LMTK2: variants seen among roughly 807,000 people sequenced by gnomAD.
LMTK2 encodes lemur tail kinase 2.
In LMTK2, 37 loss-of-function variants were observed where a neutral mutation model predicts 127.5. That is an observed-to-expected ratio of 0.29 (90% CI 0.22 to 0.38). The LOEUF is 0.38. Among genes scored for constraint, LMTK2 ranks in the 10% least tolerant of loss-of-function variants. The probability of loss-of-function intolerance (pLI) is 1.00; values close to 1 mark genes in which losing one functional copy is unlikely to be tolerated. For synonymous variants in LMTK2, 819 were observed against 810.1 expected, an observed-to-expected ratio of 1.01 and a Z score of -0.19; for missense variants, 1,694 against 1,920.3, an observed-to-expected ratio of 0.88 and a Z score of 2.20.
At chr7:98,118,306 AG>A (rs752212350) in intron 1 of LMTK2, among the ~76,000 whole-genome samples, 15 of 152,228 alleles carry the variant, frequency 9.9e-5, no homozygotes, top group Non-Finnish European at 1.8e-4. Context: ...CTCCTCCAAG[AG>A]CAGCTTAATC....
rs573633091 is a variant in LMTK2, at chr7:98,111,340, G to A, written c.103+4060G>A. On this transcript the variant is annotated intron_variant, in intron 1 of 13. Transcript: ENST00000297293. ...AGACACTGTCATATAAATAAGGGACGTCCAGGGTTCTGAAACAGTAAACAA... is the reference window on the plus strand; with the variant it reads ...AGACACTGTCATATAAATAAGGGACATCCAGGGTTCTGAAACAGTAAACAA... Among the ~76,000 whole-genome samples the A allele has an allele frequency of 4.6e-5, 7 of 152,346 alleles. No individual in the cohort carries two copies. The South Asian group carries it at 1.2e-3, about 27-fold the overall frequency.
At chr7:98,114,026 A>G (rs1017401840) in intron 1 of LMTK2, among the ~76,000 whole-genome samples, 3 of 151,168 alleles carry the variant, frequency 2.0e-5, no homozygotes, top group African/African-American at 7.3e-5. Flanking sequence ...AGCACTATTT[A>G]TGCCAGATGT....
chr7:98,114,988 C>T (rs76304931), intron 1 of LMTK2, among the ~76,000 whole-genome samples: 2,653 of 152,136 alleles, frequency 0.017, 103 homozygotes, highest in Admixed American at 0.085. Flanking sequence ...GGGTGCCAGA[C>T]GAAAACATTG....
rs1333214705 is a variant in LMTK2 at position 98,207,750 on chromosome 7, C to G, written c.*2258C>G. On this transcript the variant is annotated 3_prime_UTR_variant, in exon 14 of 14. Coordinates refer to ENST00000297293, the MANE Select transcript of LMTK2 (RefSeq NM_014916.4). Reference sequence around the variant, plus strand: ...TCGTCGTCTTATACAGTGTCAGCCTCGAGTACATTTATTAACCTTTTGGGG... The same window carrying G: ...TCGTCGTCTTATACAGTGTCAGCCTGGAGTACATTTATTAACCTTTTGGGG... 1 of 152,086 alleles carries G rather than the reference C, an allele frequency of 6.6e-6. No homozygotes were observed. The highest frequency in any genetic ancestry group is 6.5e-5 in the Admixed American group (1 of 15,280). 9.4% of individuals were successfully genotyped at this position (152,086 alleles called of 1,614,324 possible).
At chr7:98,145,105 A>G (rs1381773903) in intron 3 of LMTK2, among the ~76,000 whole-genome samples, 1 of 152,136 alleles carries the variant, frequency 6.6e-6, no homozygotes, top group Admixed American at 6.5e-5. Flanking sequence ...GAGTCGACCA[A>G]TTTATCTTCC....
intron 7 of LMTK2, among the ~76,000 whole-genome samples, chr7:98,177,860 T>C (rs879430853): frequency 6.6e-6 from 1 of 152,218 alleles, no homozygotes; most frequent in Non-Finnish European, 1.5e-5. Flanking sequence ...AGTATAAAGT[T>C]GCCTCTGTGT....
chr7:98,166,934 A>G (rs1562911733), intron 6 of LMTK2, among the ~76,000 whole-genome samples: 1 of 152,266 alleles, frequency 6.6e-6, no homozygotes, highest in East Asian at 1.9e-4. Flanking sequence ...AGTAACATTT[A>G]CTATACAAAG....
At chr7:98,166,814 G>A (rs1053444542) in intron 6 of LMTK2, among the ~76,000 whole-genome samples, 9 of 152,228 alleles carry the variant, frequency 5.9e-5, no homozygotes, top group South Asian at 2.1e-4. Context: ...ATGTTTGCAC[G>A]ATGGTGAAAT....
Position 98,149,548 on chromosome 7 carries a change from C to T in LMTK2, c.377-1834C>T, listed in dbSNP as rs943718251. ...CGATAGAGGTGCAGTTAAATGGTGCCGGAACAACTGGATATTCATTGGCAA... is the reference window on the plus strand; with the variant it reads ...CGATAGAGGTGCAGTTAAATGGTGCTGGAACAACTGGATATTCATTGGCAA... On this transcript the variant is annotated intron_variant, in intron 3 of 13. Coordinates refer to ENST00000297293, the MANE Select transcript of LMTK2 (RefSeq NM_014916.4). Among the ~76,000 whole-genome samples, 8 of 152,152 alleles carry T rather than the reference C, an allele frequency of 5.3e-5. No individual in the cohort carries two copies. The South Asian group carries it at 1.5e-3, about 28-fold the overall frequency.
At chr7:98,201,865 C>T (rs541838550) in intron 11 of LMTK2, among the ~76,000 whole-genome samples, 1 of 152,188 alleles carries the variant, frequency 6.6e-6, no homozygotes, top group Admixed American at 6.5e-5. Flanking sequence ...CTGCTTCAGC[C>T]ACCCAAAGTG....
chr7:98,108,432 G>A (rs1796149817), intron 1 of LMTK2, among the ~76,000 whole-genome samples: 1 of 152,224 alleles, frequency 6.6e-6, no homozygotes, highest in Non-Finnish European at 1.5e-5. Flanking sequence ...AAAGCTACAT[G>A]TAATTGCTTC....
intron 3 of LMTK2, 31 bp from the exon 4 acceptor site, chr7:98,151,351 T>C (rs1562906413): frequency 2.1e-6 from 3 of 1,442,838 alleles, no homozygotes; most frequent in Middle Eastern, 1.7e-4. Context: ...TAGATACTTA[T>C]ATTTCATTTT....
chr7:98,193,955 T>G lies in LMTK2; in HGVS notation c.3490T>G (p.Cys1164Gly). 6.2e-7 allele frequency: 1 copy of G among 1,614,058 alleles called. No homozygotes were observed. The highest frequency in any genetic ancestry group is 8.5e-7 in the Non-Finnish European group (1 of 1,180,018). Reference protein sequence around the residue: ...EARKSQPDESCLSALHNSSDL... With the variant: ...EARKSQPDESGLSALHNSSDL... ...CAGAAAGAGCCAGCCAGATGAAAGT[T>G]GTCTGTCTGCTTTGCACAACTCCAG... Residue 1164 changes from cysteine to glycine, a missense_variant, in exon 11 of 14, where the codon TGT becomes GGT. Cys to Gly is a radical substitution (Grantham distance 159). Around this residue, in one of 8 missense-constraint regions of LMTK2, gnomAD observed 554 missense variants for 567.7 expected, o/e 0.98. Coordinates refer to ENST00000297293, the MANE Select transcript of LMTK2 (RefSeq NM_014916.4). The surrounding 1 kb of genome is among the most constrained non-coding windows in gnomAD (Gnocchi z 4.1).
intron 8 of LMTK2, among the ~76,000 whole-genome samples, chr7:98,185,493 C>T (rs896358942): frequency 9.2e-5 from 14 of 152,092 alleles, no homozygotes; most frequent in Non-Finnish European, 4.4e-5. Flanking sequence ...TTCTCCATTA[C>T]GTGGTCAGTA....
intron 5 of LMTK2, among the ~76,000 whole-genome samples, chr7:98,157,946 A>C (rs983610033): frequency 6.6e-6 from 1 of 152,164 alleles, no homozygotes; most frequent in African/African-American, 2.4e-5. Context: ...ACACTTTATC[A>C]CAGTGGCAGT....
chr7:98,178,249 A>G (rs753711338), intron 7 of LMTK2, among the ~76,000 whole-genome samples: 3 of 152,342 alleles, frequency 2.0e-5, no homozygotes, highest in South Asian at 2.1e-4. Flanking sequence ...TCGGGAAAGC[A>G]TAAGTAGTTC....
rs544672285 is a variant in LMTK2, at chr7:98,160,768, T to A, written c.657+1343T>A. ...AATTCTGGTTGTTTTTACATTTTGATGCCCTGTTATGTAGGCATGAACATT... is the reference window on the plus strand; with the variant it reads ...AATTCTGGTTGTTTTTACATTTTGAAGCCCTGTTATGTAGGCATGAACATT... On this transcript the variant is annotated intron_variant, in intron 6 of 13. Transcript: ENST00000297293. Among the ~76,000 whole-genome samples, 5 of 152,358 alleles carry A rather than the reference T, an allele frequency of 3.3e-5. No individual in the cohort carries two copies. The South Asian group carries it at 1.0e-3, about 32-fold the overall frequency.
chr7:98,108,324 C>T (rs1391835373), intron 1 of LMTK2, among the ~76,000 whole-genome samples: 3 of 152,112 alleles, frequency 2.0e-5, no homozygotes, highest in South Asian at 4.1e-4. Context: ...TTGGAATACT[C>T]TCGAGGTCAA....
chr7:98,197,364 G>C (rs1797638915), intron 11 of LMTK2, among the ~76,000 whole-genome samples: 1 of 152,238 alleles, frequency 6.6e-6, no homozygotes, highest in Non-Finnish European at 1.5e-5. Flanking sequence ...ACCGAGCACA[G>C]AACTTTTCAC....
Sources: gnomAD v4.1 joint callset for allele counts (sites outside exome capture counted in the v4.1 genomes callset) on GRCh38, gnomAD v4.1.1 for gene constraint, gnomAD v4.1.1 regional missense constraint, Gnocchi (gnomAD v3.1) non-coding constraint, MANE v1.5 for transcripts, NCBI Gene and HGNC (gene_info 2026-07-23, HGNC 2026-07-21) for gene names.